The following NELL2 variants were observed in gnomAD, a reference collection of about 807,000 sequenced individuals.
The protein encoded by NELL2 is protein kinase C-binding protein NELL2.
Under a neutral mutation model 109.6 loss-of-function variants are expected in NELL2, and 41 were observed. The observed-to-expected ratio is 0.37, with a 90% confidence interval of 0.29 to 0.49. NELL2 has a LOEUF of 0.49. NELL2 is among the 20% of genes least tolerant of loss of function. NELL2 has a pLI of 0.98. For synonymous variants in NELL2, 355 were observed against 344.7 expected, an observed-to-expected ratio of 1.03 and a Z score of -0.33; for missense variants, 900 against 1,008.3, an observed-to-expected ratio of 0.89 and a Z score of 1.45.
chr12:44,674,976 T>A (rs1378021609), intron 12 of NELL2, among the ~76,000 whole-genome samples: 1 of 152,184 alleles, frequency 6.6e-6, no homozygotes, highest in Non-Finnish European at 1.5e-5. Context: ...CCTGAATAAA[T>A]ATCTGTTGAA....
upstream of NELL2, among the ~76,000 whole-genome samples, chr12:44,879,555 G>A (rs1945387564): frequency 1.3e-5 from 2 of 152,054 alleles, no homozygotes; most frequent in South Asian, 2.1e-4. Flanking sequence ...GCAGAAGATG[G>A]ACAGAGAAAG....
At position 44,730,327 on chromosome 12, in the gene NELL2, G is replaced by A. The variant is rs139731470; in HGVS notation, c.995-15586C>T. ...ATATAGAACATTCCATACAACAGGA[G>A]CAGAATGTAAATTCTTCTCAAGGAC... is the stretch of plus-strand genomic sequence containing the variant. On this transcript the variant is annotated intron_variant, in intron 9 of 19. Transcript: ENST00000429094. Among the ~76,000 whole-genome samples, 9 of 152,204 alleles carry A rather than the reference G, an allele frequency of 5.9e-5. No homozygotes were observed. The East Asian group carries it at 1.5e-3, about 26-fold the overall frequency.
intron 7 of NELL2, 44 bp from the exon 8 acceptor site, chr12:44,776,194 C>A: frequency 6.2e-7 from 1 of 1,602,438 alleles, no homozygotes; most frequent in Non-Finnish European, 8.5e-7. Flanking sequence ...ATCCTTCCAG[C>A]AACACAGAAA....
At chr12:44,911,165 T>C (rs559923166) in intron 1 of NELL2, among the ~76,000 whole-genome samples, 11 of 151,890 alleles carry the variant, frequency 7.2e-5, no homozygotes, top group Admixed American at 2.6e-4. Context: ...ATTAAATAAA[T>C]AGGTAAATAA....
intron 9 of NELL2, among the ~76,000 whole-genome samples, chr12:44,735,693 T>C (rs1051983028): frequency 5.3e-5 from 8 of 152,322 alleles, no homozygotes; most frequent in African/African-American, 1.9e-4. Flanking sequence ...TTTTTTTCAC[T>C]GTATTCTATT....
chr12:44,797,156 G>T (rs1276914478), intron 3 of NELL2, among the ~76,000 whole-genome samples: 2 of 152,088 alleles, frequency 1.3e-5, no homozygotes, highest in Non-Finnish European at 2.9e-5. Flanking sequence ...CAAGCCATTG[G>T]ATAAAGGGTA....
chr12:44,823,610 A>T (rs765789517), intron 2 of NELL2, among the ~76,000 whole-genome samples: 1 of 152,200 alleles, frequency 6.6e-6, no homozygotes, highest in Admixed American at 6.5e-5. Flanking sequence ...TTGTGTGTAT[A>T]TACCAATATT....
chr12:44,549,796 C>A (rs1038452208), intron 15 of NELL2, among the ~76,000 whole-genome samples: 1 of 152,086 alleles, frequency 6.6e-6, no homozygotes, highest in Non-Finnish European at 1.5e-5. Context: ...GAAGGCTTCA[C>A]ATTGTTATAA....
intron 12 of NELL2, among the ~76,000 whole-genome samples, chr12:44,671,219 C>T (rs184228817): frequency 1.3e-5 from 2 of 151,950 alleles, no homozygotes; most frequent in Non-Finnish European, 2.9e-5. Context: ...ATTACGAAGA[C>T]AATAAAAAGT....
At chr12:44,870,983 T>C (rs1245101929) in intron 2 of NELL2, among the ~76,000 whole-genome samples, 1 of 152,172 alleles carries the variant, frequency 6.6e-6, no homozygotes, top group Non-Finnish European at 1.5e-5. Context: ...TAGCCTACCA[T>C]GTAACCTGGT....
intron 2 of NELL2, among the ~76,000 whole-genome samples, chr12:44,826,481 C>G (rs1324901717): frequency 6.6e-6 from 1 of 152,046 alleles, no homozygotes; most frequent in Non-Finnish European, 1.5e-5. Flanking sequence ...ATAATGCAAA[C>G]TTATAAGACA....
chr12:44,563,205 C>G (rs575551810), intron 15 of NELL2, among the ~76,000 whole-genome samples: 3 of 152,050 alleles, frequency 2.0e-5, no homozygotes, highest in South Asian at 2.1e-4. Context: ...AGGAGAAATA[C>G]CTAATGTAGA....
intron 2 of NELL2, among the ~76,000 whole-genome samples, chr12:44,869,806 C>A (rs1450413350): frequency 6.6e-6 from 1 of 152,102 alleles, no homozygotes; most frequent in East Asian, 1.9e-4. Context: ...GTATTCCTAA[C>A]AGTGAATATC....
chr12:44,543,655 G>A (rs1467420059), intron 15 of NELL2, among the ~76,000 whole-genome samples: 1 of 152,136 alleles, frequency 6.6e-6, no homozygotes, highest in Non-Finnish European at 1.5e-5. Context: ...GTTCAACAAT[G>A]AGTGGAATGT....
intron 9 of NELL2, among the ~76,000 whole-genome samples, chr12:44,746,486 G>T (rs1256718832): frequency 3.3e-5 from 5 of 152,254 alleles, no homozygotes; most frequent in African/African-American, 4.8e-5. Context: ...CACAGCAAAA[G>T]AAACTACCAT....
chr12:44,640,841 T>C (rs1418919322), intron 13 of NELL2, among the ~76,000 whole-genome samples: 2 of 152,204 alleles, frequency 1.3e-5, no homozygotes, highest in Non-Finnish European at 2.9e-5. Flanking sequence ...ATCAAATATA[T>C]TTGGAATCCA....
chr12:44,873,589 T>C (rs1945226144), intron 2 of NELL2, among the ~76,000 whole-genome samples: 1 of 152,094 alleles, frequency 6.6e-6, no homozygotes, highest in African/African-American at 2.4e-5. Flanking sequence ...GCTTTGTAAA[T>C]TTTAAGAGCA....
At chr12:44,555,974 C>A (rs941849492) in intron 15 of NELL2, among the ~76,000 whole-genome samples, 1 of 152,156 alleles carries the variant, frequency 6.6e-6, no homozygotes, top group Non-Finnish European at 1.5e-5. Context: ...TGCATGCTGC[C>A]TTCAGGTCCA....
chr12:44,783,063 C>G (rs945724711), intron 3 of NELL2, among the ~76,000 whole-genome samples: 1 of 151,830 alleles, frequency 6.6e-6, no homozygotes, highest in South Asian at 2.1e-4. Context: ...CCAACCACAA[C>G]AGAATCACAC....
Sources: gnomAD v4.1 joint callset for allele counts (sites outside exome capture counted in the v4.1 genomes callset) on GRCh38, gnomAD v4.1.1 for gene constraint, MANE v1.5 for transcripts, NCBI Gene and HGNC (gene_info 2026-07-23, HGNC 2026-07-21) for gene names.